The following JAKMIP3 variants were observed in gnomAD, a reference collection of about 807,000 sequenced individuals.
The protein encoded by JAKMIP3 is janus kinase and microtubule-interacting protein 3.
JAKMIP3 carries 58 observed loss-of-function variants against 118.5 expected under a neutral mutation model. That is an observed-to-expected ratio of 0.49 (90% CI 0.40 to 0.61). The LOEUF (loss-of-function observed/expected upper bound fraction) is 0.61, where lower values mean the gene tolerates loss of function less well. Ranked by LOEUF, JAKMIP3 falls within the 20% of genes least tolerant of loss-of-function variation. JAKMIP3 has a pLI of 0.00. For missense variants in JAKMIP3, 950 were observed against 1,109.0 expected (o/e 0.86, Z 2.04); for synonymous variants, 486 against 451.2 (o/e 1.08, Z -0.98).
At chr10:132,073,590 G>T (rs192757542) in intron 1 of JAKMIP3, among the ~76,000 whole-genome samples, 9 of 150,574 alleles carry the variant, frequency 6.0e-5, no homozygotes, top group African/African-American at 2.2e-4. Context: ...TTGACCTCCC[G>T]GGCTCAAGCG....
chr10:132,174,282 C>T (rs2059939862), intron 23 of JAKMIP3, among the ~76,000 whole-genome samples: 1 of 152,128 alleles, frequency 6.6e-6, no homozygotes, highest in African/African-American at 2.4e-5. Context: ...TTTGCCTCTT[C>T]CACATCAGGT....
At chr10:132,180,720 CG>C (rs2061145785) in intron 23 of JAKMIP3, among the ~76,000 whole-genome samples, 1 of 17,018 alleles carries the variant, frequency 5.9e-5, no homozygotes, top group African/African-American at 3.0e-4. Context: ...CGTGTGTGTG[CG>C]TGTGTGTGCG....
At chr10:132,155,297 A>G (rs924755131) in intron 19 of JAKMIP3, among the ~76,000 whole-genome samples, 3 of 152,110 alleles carry the variant, frequency 2.0e-5, no homozygotes, top group Non-Finnish European at 4.4e-5. Context: ...AGCCTTTCCT[A>G]TGTGGCAGGC....
chr10:132,180,268 G>T (rs909003635), intron 23 of JAKMIP3, among the ~76,000 whole-genome samples: 1 of 152,134 alleles, frequency 6.6e-6, no homozygotes, highest in Non-Finnish European at 1.5e-5. Flanking sequence ...ACCCTGGGGT[G>T]CCAGAGCTTG....
At chr10:132,061,918 G>T (rs376224699), upstream of JAKMIP3, among the ~76,000 whole-genome samples, 1 of 152,182 alleles carries the variant, frequency 6.6e-6, no homozygotes, top group Admixed American at 6.5e-5. Context: ...CTGAGGCTTC[G>T]CCAACACTGG....
intron 23 of JAKMIP3, chr10:132,181,680 C>G (rs1304103394): frequency 6.6e-6 from 1 of 152,264 alleles, no homozygotes; most frequent in Non-Finnish European, 1.5e-5. Flanking sequence ...ATTTTTCATT[C>G]TGTTTGAGGT....
In JAKMIP3 at chr10:132,106,574, A is replaced by C. The variant is rs543040313; in HGVS notation, c.135+1631A>C. 2.6e-5 allele frequency among the ~76,000 whole-genome samples: 4 copies of C among 152,246 alleles called. No individual in the cohort carries two copies. In the South Asian group the frequency reaches 8.3e-4, roughly 32 times the overall value. ...CAGCTCGGGGAGTCTCGCTTCTCGGATACCAGAAGGCCGATGGCATGGGGA... is the reference window on the plus strand; with the variant it reads ...CAGCTCGGGGAGTCTCGCTTCTCGGCTACCAGAAGGCCGATGGCATGGGGA... On this transcript the variant is annotated intron_variant, in intron 2 of 23. Transcript: ENST00000684848.
In JAKMIP3 at chr10:132,139,222, A is replaced by G. The variant is rs908587045; in HGVS notation, c.1344+1044A>G. 2.6e-5 allele frequency among the ~76,000 whole-genome samples: 3 copies of G among 113,912 alleles called. No homozygotes were observed. In the Admixed American group the frequency reaches 2.7e-4, roughly 10 times the overall value. 74.7% of individuals were successfully genotyped at this position (113,912 alleles called of 152,430 possible). On this transcript the variant is annotated intron_variant, in intron 9 of 23. Transcript: ENST00000684848. ...TGAGTGTGTGTGTGTATGTGTGTAC[A>G]TGTGAGTGTATATGCATCTGTGTGT...
intron 1 of JAKMIP3, among the ~76,000 whole-genome samples, chr10:132,041,995 T>C (rs2037771942): frequency 6.6e-6 from 1 of 152,068 alleles, no homozygotes; most frequent in African/African-American, 2.4e-5. Context: ...GCCTCCCGAA[T>C]AGCTGGGATT....
At chr10:132,180,768 T>TGCGC (rs1446060656) in intron 23 of JAKMIP3, among the ~76,000 whole-genome samples, 6 of 32,506 alleles carry the variant, frequency 1.8e-4, no homozygotes, top group African/African-American at 4.5e-4. Flanking sequence ...TGCGTGTGTG[T>TGCGC]GCGTGTGTGT....
In JAKMIP3 at chr10:132,140,452, C is replaced by T. The variant is rs367725920; in HGVS notation, c.1346C>T (p.Pro449Leu). ...GACACGTCGCATTTTGGTCACAAGC[C>T]GGTGGTTGTGGAGACCTTCTTTGGA... ...QRKKMAKLPKPVVVETFFGYD... is the reference protein window; with the variant it reads ...QRKKMAKLPKLVVVETFFGYD... The change falls in exon 10 of 24, where the codon CCG (proline) becomes CTG (leucine). Residue 449 changes from proline (P) to leucine (L), a missense_variant and splice_region_variant. Transcript: ENST00000684848. 51 of 1,613,698 alleles carry T rather than the reference C, an allele frequency of 3.2e-5. No homozygotes were observed. Among genetic ancestry groups the T allele is most frequent in the Non-Finnish European group, 3.6e-5 (43 of 1,179,828 alleles).
At chr10:132,161,508 G>C (rs565861439) in intron 19 of JAKMIP3, among the ~76,000 whole-genome samples, 1 of 78,358 alleles carries the variant, frequency 1.3e-5, no homozygotes, top group South Asian at 6.4e-4. Context: ...GTCTCTTCCT[G>C]TGTGATGCTG....
chr10:132,048,667 C>CTT lies in JAKMIP3; in HGVS notation c.-138+11943_-138+11944dup, dbSNP rs35729418. ...AATTCCAGGCTTGACTGTTTCTTTTCTTTTTTTTTTTTTTTGAGATGGAGT... is the reference window on the plus strand; with the variant it reads ...AATTCCAGGCTTGACTGTTTCTTTTCTTTTTTTTTTTTTTTTTGAGATGGAGT... On this transcript the variant is annotated intron_variant, in intron 1 of 23. Coordinates refer to the JAKMIP3 transcript ENST00000657785. Among the ~76,000 whole-genome samples, 972 of 129,750 alleles carry CTT rather than the reference C, an allele frequency of 7.5e-3. 25 individuals carry two copies. Among genetic ancestry groups the CTT allele is most frequent in the African/African-American group, 0.024 (852 of 34,940 alleles). 85.1% of individuals were successfully genotyped at this position (129,750 alleles called of 152,430 possible).
chr10:132,134,413 G>C (rs140048317), intron 4 of JAKMIP3, among the ~76,000 whole-genome samples: 1 of 152,188 alleles, frequency 6.6e-6, no homozygotes, highest in African/African-American at 2.4e-5. Flanking sequence ...CTGCTGGTGC[G>C]TGGTAGACTA....
At chr10:132,120,047 C>G (rs1056601963) in intron 3 of JAKMIP3, among the ~76,000 whole-genome samples, 15 of 152,316 alleles carry the variant, frequency 9.8e-5, no homozygotes, top group African/African-American at 3.1e-4. Context: ...CGTAGAATAG[C>G]CTAGTCAGAG....
At chr10:132,128,888 T>G (rs1267799880) in intron 3 of JAKMIP3, among the ~76,000 whole-genome samples, 1 of 151,966 alleles carries the variant, frequency 6.6e-6, no homozygotes, top group African/African-American at 2.4e-5. Context: ...TTCAATATCC[T>G]CATCATCTCT....
chr10:132,122,130 A>G (rs1317963139), intron 3 of JAKMIP3, among the ~76,000 whole-genome samples: 1 of 152,228 alleles, frequency 6.6e-6, no homozygotes, highest in Non-Finnish European at 1.5e-5. Flanking sequence ...GGTAAAGAGC[A>G]CAGCACCCCT....
chr10:132,041,673 C>T (rs922469795), intron 1 of JAKMIP3, among the ~76,000 whole-genome samples: 46 of 152,260 alleles, frequency 3.0e-4, no homozygotes, highest in Admixed American at 8.5e-4. Context: ...GCACGCTGGC[C>T]CCGTGGCCCA....
chr10:132,096,910 A>G (rs1381003906), intron 1 of JAKMIP3, among the ~76,000 whole-genome samples: 1 of 152,232 alleles, frequency 6.6e-6, no homozygotes, highest in Non-Finnish European at 1.5e-5. Flanking sequence ...CAACTGGCTC[A>G]GACAAACCAT....
Sources: gnomAD v4.1 joint callset for allele counts (sites outside exome capture counted in the v4.1 genomes callset) on GRCh38, gnomAD v4.1.1 for gene constraint, MANE v1.5 for transcripts, NCBI Gene and HGNC (gene_info 2026-07-23, HGNC 2026-07-21) for gene names.